C3orf20: variants seen among roughly 807,000 people sequenced by gnomAD.
The protein encoded by C3orf20 is uncharacterized protein C3orf20.
Under a neutral mutation model 88.3 loss-of-function variants are expected in C3orf20, and 76 were observed. The observed-to-expected ratio is 0.86, with a 90% confidence interval of 0.72 to 1.04. The LOEUF (loss-of-function observed/expected upper bound fraction) is 1.04. C3orf20 is among the 50% of genes least tolerant of loss of function. The pLI, the probability that C3orf20 is intolerant of heterozygous loss-of-function variation, is 0.00. For missense variants in C3orf20, 1,056 were observed against 1,123.3 expected (o/e 0.94, Z 0.86); for synonymous variants, 436 against 437.4 (o/e 1.00, Z 0.04).
intron 15 of C3orf20, among the ~76,000 whole-genome samples, chr3:14,766,566 C>T (rs145953904): frequency 4.6e-5 from 7 of 152,356 alleles, no homozygotes; most frequent in East Asian, 3.9e-4. Context: ...CAGGGGCAGC[C>T]GGCGAGGGGG....
At chr3:14,721,583 G>T in intron 9 of C3orf20, 70 bp from the exon 10 acceptor site, 1 of 1,579,512 alleles carries the variant, frequency 6.3e-7, no homozygotes. Context: ...TGTGCTTCGT[G>T]GTGGGTCAGG....
chr3:14,744,607 C>A (rs988905841), intron 12 of C3orf20, among the ~76,000 whole-genome samples: 1 of 151,880 alleles, frequency 6.6e-6, no homozygotes, highest in Non-Finnish European at 1.5e-5. Context: ...AAAACATACT[C>A]GAAACTGGGA....
chr3:14,694,565 G>T (rs1274538709), intron 5 of C3orf20, among the ~76,000 whole-genome samples: 1 of 151,850 alleles, frequency 6.6e-6, no homozygotes, highest in Non-Finnish European at 1.5e-5. Flanking sequence ...TTATTTAATT[G>T]GGTCTTCTCT....
intron 5 of C3orf20, among the ~76,000 whole-genome samples, chr3:14,696,381 A>ATTG (rs1230851627): frequency 1.4e-5 from 2 of 147,162 alleles, no homozygotes; most frequent in Non-Finnish European, 3.0e-5. Flanking sequence ...CATTATTATT[A>ATTG]TTATTATTAT....
chr3:14,677,406 C>G (rs1191058315), intron 1 of C3orf20, among the ~76,000 whole-genome samples: 1 of 152,178 alleles, frequency 6.6e-6, no homozygotes, highest in Admixed American at 6.5e-5. Context: ...CCCTGTCCTG[C>G]TTTTGCACCA....
chr3:14,724,103 G>A (rs1392208290), intron 10 of C3orf20, among the ~76,000 whole-genome samples: 1 of 152,186 alleles, frequency 6.6e-6, no homozygotes, highest in Non-Finnish European at 1.5e-5. Flanking sequence ...ACAGGCGTGA[G>A]CCACCGTGCC....
intron 7 of C3orf20, among the ~76,000 whole-genome samples, chr3:14,713,710 C>G (rs2033832867): frequency 6.6e-6 from 1 of 152,118 alleles, no homozygotes; most frequent in African/African-American, 2.4e-5. Context: ...ACTGAAAGTT[C>G]CACGTCTCAG....
intron 4 of C3orf20, among the ~76,000 whole-genome samples, chr3:14,689,159 T>C (rs1396133858): frequency 6.6e-6 from 1 of 152,188 alleles, no homozygotes; most frequent in African/African-American, 2.4e-5. Context: ...TTGATGGGTT[T>C]TATTCCTTCT....
At position 14,682,766 on chromosome 3, in the gene C3orf20, C is replaced by G. The variant is rs2032163850; in HGVS notation, c.53C>G (p.Ala18Gly). 1 of 1,613,968 alleles carries G rather than the reference C, an allele frequency of 6.2e-7. No homozygotes were observed. Among genetic ancestry groups the G allele is most frequent in the Non-Finnish European group, 8.5e-7 (1 of 1,179,956 alleles). ...LELYQQYTAMAPKLLARISKL... is the reference protein window; with the variant it reads ...LELYQQYTAMGPKLLARISKL... Reference sequence around the variant, plus strand: ...TTATATCAGCAATACACAGCCATGGCCCCCAAGCTACTGGCCCGCATCTCC... The same window carrying G: ...TTATATCAGCAATACACAGCCATGGGCCCCAAGCTACTGGCCCGCATCTCC... Residue 18 changes from alanine to glycine, a missense_variant, in exon 3 of 17, where the codon GCC becomes GGC. Ala to Gly is a moderately conservative substitution (Grantham distance 60). Coordinates refer to ENST00000253697, the MANE Select transcript of C3orf20 (RefSeq NM_032137.5).
At chr3:14,732,957 A>G (rs1559428671) in intron 12 of C3orf20, among the ~76,000 whole-genome samples, 1 of 152,198 alleles carries the variant, frequency 6.6e-6, no homozygotes, top group South Asian at 2.1e-4. Context: ...TTTTAAAAAG[A>G]TAAATTTCTC....
At position 14,721,694 on chromosome 3, in the gene C3orf20, CA is replaced by C; in HGVS notation, c.1477del (p.Ile493SerfsTer8). ...AACTAAAGGTACTGGGACAGGACTC[CA>C]TCACAGTCACCTTCACCTCCCTGAA... is the stretch of plus-strand genomic sequence containing the variant. The part of the protein sequence containing the change: ...MKLKVLGQDS[I>X]TVTFTSLNET... On this transcript the variant is annotated frameshift_variant, in exon 10 of 17. Coordinates refer to ENST00000253697, the MANE Select transcript of C3orf20 (RefSeq NM_032137.5). LOFTEE classifies it high-confidence loss of function. The C allele has an allele frequency of 1.9e-6, 3 of 1,614,156 alleles. No homozygotes were observed. The highest frequency in any genetic ancestry group is 2.5e-6 in the Non-Finnish European group (3 of 1,180,024).
intron 9 of C3orf20, among the ~76,000 whole-genome samples, chr3:14,720,578 TGTTG>T (rs2034122038): frequency 6.9e-6 from 1 of 143,968 alleles, no homozygotes; most frequent in Admixed American, 6.9e-5. Flanking sequence ...TTGTTGTTGT[TGTTG>T]TTTTTGGTTC....
Position 14,728,548 on chromosome 3 carries a change from A to G in C3orf20, c.1800A>G (p.Ser600=). The G allele has an allele frequency of 6.2e-7, 1 of 1,614,226 alleles. No individual in the cohort carries two copies. Among genetic ancestry groups the G allele is most frequent in the Non-Finnish European group, 8.5e-7 (1 of 1,180,034 alleles). The change falls in exon 12 of 17, where the codon TCA becomes TCG. Residue 600 remains serine (S), a synonymous_variant. Transcript: ENST00000253697. The part of the protein sequence containing the change: ...PERLPKLSLY[S]GESLLRSQSG... ...GGCTCCCCAAGCTAAGTTTATACTC[A>G]GGAGAAAGTCTTTTACGATCTCAGT...
chr3:14,715,234 T>A, intron 8 of C3orf20, 55 bp from the exon 9 acceptor site: 1 of 1,590,000 alleles, frequency 6.3e-7, no homozygotes, highest in Non-Finnish European at 8.6e-7. Flanking sequence ...CCTGCGGTGA[T>A]GAGAGCTTCC....
At chr3:14,680,688 T>C (rs986753945) in intron 1 of C3orf20, among the ~76,000 whole-genome samples, 2 of 152,244 alleles carry the variant, frequency 1.3e-5, no homozygotes, top group African/African-American at 4.8e-5. Flanking sequence ...CTGTAAGATA[T>C]ATCTTCAAAA....
intron 5 of C3orf20, among the ~76,000 whole-genome samples, chr3:14,698,270 G>A (rs1221089277): frequency 6.6e-6 from 1 of 152,174 alleles, no homozygotes; most frequent in Non-Finnish European, 1.5e-5. Context: ...CTCCAGAATT[G>A]GTCACTGGTG....
At chr3:14,732,848 T>C (rs1436090966) in intron 12 of C3orf20, among the ~76,000 whole-genome samples, 5 of 152,268 alleles carry the variant, frequency 3.3e-5, no homozygotes, top group Non-Finnish European at 5.9e-5. Context: ...TATTTAGGTC[T>C]ATGATCCATT....
At chr3:14,712,470 T>C (rs1470296503) in intron 7 of C3orf20, among the ~76,000 whole-genome samples, 3 of 152,190 alleles carry the variant, frequency 2.0e-5, no homozygotes, top group Non-Finnish European at 4.4e-5. Flanking sequence ...AGGAAACTAA[T>C]TTACCTGTGT....
chr3:14,747,202 A>G (rs1294799068), intron 12 of C3orf20, among the ~76,000 whole-genome samples: 2 of 152,254 alleles, frequency 1.3e-5, no homozygotes, highest in Non-Finnish European at 2.9e-5. Context: ...TTTTGATTAC[A>G]GCCGTTACTC....
Sources: allele counts gnomAD v4.1 joint callset (sites outside exome capture counted in the v4.1 genomes callset), GRCh38; gene constraint gnomAD v4.1.1; transcripts MANE v1.5; gene names NCBI Gene and HGNC (gene_info 2026-07-23, HGNC 2026-07-21).